The following JAKMIP2 variants were observed in gnomAD, a reference collection of about 807,000 sequenced individuals.
The protein encoded by JAKMIP2 is janus kinase and microtubule-interacting protein 2.
In JAKMIP2, 25 loss-of-function variants were observed where a neutral mutation model predicts 115.0. That is an observed-to-expected ratio of 0.22 (90% CI 0.16 to 0.30). The LOEUF (loss-of-function observed/expected upper bound fraction) is 0.30, where lower values mean the gene tolerates loss of function less well. JAKMIP2 is among the 10% of genes least tolerant of loss of function. JAKMIP2 has a pLI of 1.00. For synonymous variants in JAKMIP2, 334 were observed against 343.6 expected (o/e 0.97, Z 0.31); for missense variants, 642 against 957.6 (o/e 0.67, Z 4.35).
In JAKMIP2 at chr5:147,639,732, C is replaced by G; in HGVS notation, c.1430G>C (p.Arg477Thr). The G allele has an allele frequency of 6.2e-7, 1 of 1,613,662 alleles. No homozygotes were observed. The highest frequency in any genetic ancestry group is 1.1e-5 in the South Asian group (1 of 91,032). Residue 477 changes from arginine to threonine, a missense_variant, in exon 10 of 22, where the codon AGA (arginine) becomes ACA (threonine). By Grantham distance (71) the Arg-to-Thr change is moderately conservative. Transcript: ENST00000616793. ...ESLAAEESEL[R>T]FRQLTKEYQA... Reference sequence around the variant, plus strand: ...ATATTCTTTTGTTAATTGTCGAAATCTTAGTTCAGATTCTTCAGCTGCTAA... The same window carrying G: ...ATATTCTTTTGTTAATTGTCGAAATGTTAGTTCAGATTCTTCAGCTGCTAA...
At chr5:147,754,650 A>C (rs1360373863) in intron 1 of JAKMIP2, among the ~76,000 whole-genome samples, 1 of 152,108 alleles carries the variant, frequency 6.6e-6, no homozygotes, top group Non-Finnish European at 1.5e-5. Context: ...ACCGTGAGTG[A>C]GGTATTATTG....
At chr5:147,689,714 G>C (rs1760742172) in intron 1 of JAKMIP2, among the ~76,000 whole-genome samples, 1 of 152,158 alleles carries the variant, frequency 6.6e-6, no homozygotes, top group African/African-American at 2.4e-5. Flanking sequence ...AACACTCTGA[G>C]GGTGTCCATG....
At chr5:147,702,314 AG>A (rs939148152) in intron 1 of JAKMIP2, among the ~76,000 whole-genome samples, 15 of 128,018 alleles carry the variant, frequency 1.2e-4, no homozygotes, top group Non-Finnish European at 2.1e-4. Context: ...AAAGGGTGGA[AG>A]GGGGGGTGAC....
chr5:147,740,391 T>C (rs1442938274), intron 1 of JAKMIP2, among the ~76,000 whole-genome samples: 1 of 152,214 alleles, frequency 6.6e-6, no homozygotes, highest in East Asian at 1.9e-4. Context: ...AGACTGCACA[T>C]TGCTGGAGGT....
At chr5:147,614,971 CAA>C (rs1439235521) in intron 19 of JAKMIP2, among the ~76,000 whole-genome samples, 3 of 152,350 alleles carry the variant, frequency 2.0e-5, no homozygotes, top group East Asian at 3.9e-4. Flanking sequence ...TCTGACCAGC[CAA>C]CCTAAAGTGG....
intron 1 of JAKMIP2, among the ~76,000 whole-genome samples, chr5:147,691,439 T>C (rs988145889): frequency 4.6e-5 from 7 of 152,098 alleles, no homozygotes; most frequent in African/African-American, 1.5e-4. Flanking sequence ...ATCTTCCCTA[T>C]TCCAAGTAGC....
Position 147,762,273 on chromosome 5 carries a change from G to T in JAKMIP2, c.-149+20183C>A, listed in dbSNP as rs1303910281. Among the ~76,000 whole-genome samples the T allele has an allele frequency of 2.0e-5, 3 of 151,996 alleles. No individual in the cohort carries two copies. The East Asian group carries it at 5.8e-4, about 29-fold the overall frequency. ...CATTTTCTATAGCAATAAACATGAT[G>T]CAAACCCTTATTTTTTTATAGTTAC... On this transcript the variant is annotated intron_variant, in intron 1 of 21. Transcript: ENST00000616793.
intron 1 of JAKMIP2, among the ~76,000 whole-genome samples, chr5:147,751,566 C>G (rs1295581896): frequency 7.4e-6 from 1 of 135,420 alleles, no homozygotes; most frequent in Non-Finnish European, 1.5e-5. Flanking sequence ...TATTAGGAGT[C>G]TCTTCCATAA....
chr5:147,618,122 A>G lies in JAKMIP2; in HGVS notation c.2143-8T>C. ...TTCTAGTTCCTGGATTCTCTGGCAA[A>G]TAGAATTAGAAAAGTCTAACTTTGG... On this transcript the variant is annotated splice_region_variant and splice_polypyrimidine_tract_variant and intron_variant, in intron 18 of 21. Transcript: ENST00000616793. 6.2e-7 allele frequency: 1 copy of G among 1,607,478 alleles called. No individual in the cohort carries two copies. Among genetic ancestry groups the G allele is most frequent in the South Asian group, 1.1e-5 (1 of 90,946 alleles).
chr5:147,640,863 C>A, intron 8 of JAKMIP2, 40 bp from the exon 9 acceptor site: 1 of 1,594,570 alleles, frequency 6.3e-7, no homozygotes. Context: ...ACATAGCTAA[C>A]AGTAGGGAAA....
rs1244808913 is a variant in JAKMIP2, at chr5:147,590,271, A to T, written c.*1436T>A. 1 of 152,226 alleles carries T rather than the reference A, an allele frequency of 6.6e-6. No individual in the cohort carries two copies. Among genetic ancestry groups the T allele is most frequent in the Non-Finnish European group, 1.5e-5 (1 of 68,044 alleles). 9.4% of individuals were successfully genotyped at this position (152,226 alleles called of 1,614,324 possible). A position where few individuals can be genotyped will look rare whatever the true frequency, so the allele number is the denominator to read the frequency against. On this transcript the variant is annotated 3_prime_UTR_variant, in exon 22 of 22. Coordinates refer to ENST00000616793, the MANE Select transcript of JAKMIP2 (RefSeq NM_001270941.2). ...TGGGAATTCTAGCCCCATAAATAAA[A>T]CTTCAAAAATTTGAAAAATTGAGGT...
intron 1 of JAKMIP2, among the ~76,000 whole-genome samples, chr5:147,751,784 G>A (rs1368500756): frequency 1.3e-5 from 2 of 152,176 alleles, no homozygotes; most frequent in African/African-American, 4.8e-5. Context: ...TTTGGGCAAG[G>A]AGGGTGGCAT....
intron 1 of JAKMIP2, among the ~76,000 whole-genome samples, chr5:147,754,920 G>A (rs1261486311): frequency 6.6e-6 from 1 of 152,190 alleles, no homozygotes; most frequent in Non-Finnish European, 1.5e-5. Flanking sequence ...AGGCCACTAT[G>A]AGTGGAAGAG....
intron 4 of JAKMIP2, 121 bp downstream of exon 4, chr5:147,650,217 T>C (rs887718723): frequency 4.5e-6 from 3 of 672,202 alleles, no homozygotes; most frequent in Non-Finnish European, 2.6e-6. Context: ...GCTGATTTTA[T>C]AGTAGAAGGT....
At chr5:147,726,383 G>T (rs902097331) in intron 1 of JAKMIP2, among the ~76,000 whole-genome samples, 2 of 152,190 alleles carry the variant, frequency 1.3e-5, no homozygotes, top group Admixed American at 6.5e-5. Flanking sequence ...AGTCACTAGG[G>T]CTGCCCAAGG....
Position 147,587,324 on chromosome 5 carries a change from T to C in JAKMIP2, c.*4383A>G, listed in dbSNP as rs1378998223. On this transcript the variant is annotated 3_prime_UTR_variant, in exon 22 of 22. Transcript: ENST00000616793. ...ATGATAGAATTAAACTGCCAAAAGC[T>C]GTCATTAATTACCAAAACACTGTTA... is the stretch of plus-strand genomic sequence containing the variant. 6.6e-6 allele frequency: 1 copy of C among 152,106 alleles called. No individual in the cohort carries two copies. Among genetic ancestry groups the C allele is most frequent in the East Asian group, 1.9e-4 (1 of 5,188 alleles). 9.4% of individuals were successfully genotyped at this position (152,106 alleles called of 1,614,324 possible).
intron 19 of JAKMIP2, among the ~76,000 whole-genome samples, chr5:147,616,214 T>C (rs1756573073): frequency 6.6e-6 from 1 of 152,194 alleles, no homozygotes; most frequent in African/African-American, 2.4e-5. Flanking sequence ...TACATAGTTA[T>C]ATATAAAAAA....
At chr5:147,604,648 T>C (rs1029279115) in intron 20 of JAKMIP2, among the ~76,000 whole-genome samples, 1 of 152,132 alleles carries the variant, frequency 6.6e-6, no homozygotes, top group African/African-American at 2.4e-5. Context: ...TGTGTGCCTA[T>C]GGAAGCTATT....
At chr5:147,615,922 G>T (rs1481313052) in intron 19 of JAKMIP2, among the ~76,000 whole-genome samples, 1 of 152,076 alleles carries the variant, frequency 6.6e-6, no homozygotes, top group East Asian at 1.9e-4. Context: ...TCCTGCACGT[G>T]CCTGGGGTGA....
Sources: gnomAD v4.1 joint callset for allele counts (sites outside exome capture counted in the v4.1 genomes callset) on GRCh38, gnomAD v4.1.1 for gene constraint, MANE v1.5 for transcripts, NCBI Gene and HGNC (gene_info 2026-07-23, HGNC 2026-07-21) for gene names.